Variants in CSMD1 observed in about 807,000 individuals in gnomAD.
CSMD1 encodes the protein CUB and sushi domain-containing protein 1.
A neutral mutation model predicts 417.5 loss-of-function variants in CSMD1; 213 were observed. That is an observed-to-expected ratio of 0.51 (90% confidence interval 0.46 to 0.57). The LOEUF (loss-of-function observed/expected upper bound fraction) is 0.57. CSMD1 is among the 20% of genes least tolerant of loss of function. The pLI is 0.00. For synonymous variants in CSMD1, 2,862 were observed against 1,736.8 expected (o/e 1.65, Z -16.11); for missense variants, 6,923 against 4,529.7 (o/e 1.53, Z -15.17).
intron 3 of CSMD1, among the ~76,000 whole-genome samples, chr8:4,191,255 G>A (rs1049442930): frequency 6.6e-6 from 1 of 151,996 alleles, no homozygotes; most frequent in Non-Finnish European, 1.5e-5. Context: ...AATTAGCAGG[G>A]CATGGTGGCA....
At chr8:3,068,569 T>TCCCG (rs1407676696) in intron 49 of CSMD1, among the ~76,000 whole-genome samples, 340 of 152,330 alleles carry the variant, frequency 2.2e-3, no homozygotes, top group African/African-American at 7.1e-3. Context: ...TTGGCTCATG[T>TCCCG]TTCTGCAGGC....
At chr8:4,871,295 C>A (rs1297008323) in intron 1 of CSMD1, among the ~76,000 whole-genome samples, 1 of 152,140 alleles carries the variant, frequency 6.6e-6, no homozygotes, top group African/African-American at 2.4e-5. Context: ...CACTGCAATG[C>A]ACTTCTTGCC....
At chr8:3,036,182 A>G (rs1810663396) in intron 50 of CSMD1, among the ~76,000 whole-genome samples, 1 of 152,220 alleles carries the variant, frequency 6.6e-6, no homozygotes, top group Admixed American at 6.5e-5. Flanking sequence ...GGCCGTGAGT[A>G]ATTCTGATTT....
rs200938659 is a variant in CSMD1 at position 3,106,616 on chromosome 8, G to T, written c.6861C>A (p.His2287Gln). Residue 2287 changes from histidine (H) to glutamine (Q), a missense_variant, in exon 46 of 70, where the codon CAC becomes CAA. Transcript: ENST00000635120. ...EIGDFVKYQC[H>Q]PGYTLVGTDI... The stretch of plus-strand genomic sequence containing the variant: ...CGGTCCCCACCAAGGTGTACCCGGG[G>T]TGGCACTGGTACTTCACAAAATCTC... The T allele has an allele frequency of 6.2e-7, 1 of 1,613,348 alleles. No homozygotes were observed. Among genetic ancestry groups the T allele is most frequent in the South Asian group, 1.1e-5 (1 of 90,914 alleles).
In CSMD1 at chr8:3,069,623, G is replaced by A. The variant is rs535377019; in HGVS notation, c.7475-16976C>T. ...CAGCTTTGCTTCTGTGGTTTTGCAGGGAGCAGCCCCCAAGGCTGATCTCAG... is the reference window on the plus strand; with the variant it reads ...CAGCTTTGCTTCTGTGGTTTTGCAGAGAGCAGCCCCCAAGGCTGATCTCAG... On this transcript the variant is annotated intron_variant, in intron 49 of 69. Coordinates refer to ENST00000635120, the MANE Select transcript of CSMD1 (RefSeq NM_033225.6). 7.2e-5 allele frequency among the ~76,000 whole-genome samples: 11 copies of A among 152,258 alleles called. No individual in the cohort carries two copies. In the East Asian group the frequency reaches 2.1e-3, roughly 30 times the overall value.
At chr8:3,653,192 T>G (rs1797946008) in intron 7 of CSMD1, among the ~76,000 whole-genome samples, 3 of 151,844 alleles carry the variant, frequency 2.0e-5, no homozygotes, top group Non-Finnish European at 4.4e-5. Flanking sequence ...ACAAATATAT[T>G]TAAAATTGTA....
intron 1 of CSMD1, among the ~76,000 whole-genome samples, chr8:4,905,801 C>G (rs1239198446): frequency 8.0e-6 from 1 of 125,120 alleles, no homozygotes; most frequent in Non-Finnish European, 1.6e-5. Context: ...GCCTGGGCCA[C>G]AGAGCGAGAC....
In CSMD1 at chr8:3,410,968, G is replaced by A. The variant is rs571588181; in HGVS notation, c.1562-1363C>T. 8.7e-4 allele frequency among the ~76,000 whole-genome samples: 132 copies of A among 152,234 alleles called. 1 individual carries two copies. The Middle Eastern group carries it at 0.017, about 20-fold the overall frequency. ...GAAGAAAATGCCCTGAAGGAAGATGGCAATCAGCCCTTCGAAAAGGAGATG... is the reference window on the plus strand; with the variant it reads ...GAAGAAAATGCCCTGAAGGAAGATGACAATCAGCCCTTCGAAAAGGAGATG... On this transcript the variant is annotated intron_variant, in intron 12 of 69. Coordinates refer to ENST00000635120, the MANE Select transcript of CSMD1 (RefSeq NM_033225.6).
intron 3 of CSMD1, among the ~76,000 whole-genome samples, chr8:4,322,980 G>A (rs530342778): frequency 3.9e-5 from 6 of 152,276 alleles, no homozygotes; most frequent in South Asian, 2.1e-4. Context: ...GCGAGACTCC[G>A]TCTCAAAAAA....
intron 6 of CSMD1, among the ~76,000 whole-genome samples, chr8:3,736,835 T>C (rs943181678): frequency 1.3e-5 from 2 of 152,196 alleles, no homozygotes; most frequent in African/African-American, 4.8e-5. Context: ...GCTGCTGGGA[T>C]GTTACGTATG....
chr8:3,348,120 G>C lies in CSMD1; in HGVS notation c.3346C>G (p.Leu1116Val). The C allele has an allele frequency of 1.2e-6, 2 of 1,612,488 alleles. No homozygotes were observed. The highest frequency in any genetic ancestry group is 1.7e-5 in the Admixed American group (1 of 59,838). ...TAATTGGATGGAAAATTTGGAGACA[G>C]TAATGTTCCTTCATTTCCTTTGACA... ...ASVKGNEGTL[L>V]SPNFPSNYDN... Residue 1116 changes from leucine to valine, a missense_variant, in exon 22 of 70, where the codon CTG becomes GTG. Transcript: ENST00000635120.
chr8:4,657,030 C>T (rs1804274482), intron 1 of CSMD1, among the ~76,000 whole-genome samples: 1 of 152,104 alleles, frequency 6.6e-6, no homozygotes, highest in Non-Finnish European at 1.5e-5. Flanking sequence ...GCCACCAGGA[C>T]ACGCAAAAGA....
At chr8:4,924,218 C>G (rs1405845097) in intron 1 of CSMD1, among the ~76,000 whole-genome samples, 4 of 152,118 alleles carry the variant, frequency 2.6e-5, no homozygotes, top group Admixed American at 1.3e-4. Context: ...GAGTTATGAT[C>G]ATGTAAGTTT....
At chr8:4,148,804 G>A (rs1021909098) in intron 3 of CSMD1, among the ~76,000 whole-genome samples, 1 of 152,136 alleles carries the variant, frequency 6.6e-6, no homozygotes, top group Non-Finnish European at 1.5e-5. Context: ...CATTGGGAAG[G>A]GATGTCATGA....
intron 2 of CSMD1, among the ~76,000 whole-genome samples, chr8:4,439,519 T>A (rs561423097): frequency 6.6e-6 from 1 of 150,960 alleles, no homozygotes; most frequent in Non-Finnish European, 1.5e-5. Flanking sequence ...TATACATATA[T>A]GCATACATTT....
intron 5 of CSMD1, among the ~76,000 whole-genome samples, chr8:3,903,010 A>C (rs1807859777): frequency 6.6e-6 from 1 of 152,098 alleles, no homozygotes; most frequent in South Asian, 2.1e-4. Flanking sequence ...TCTTACGATG[A>C]ATGCACGTTT....
intron 2 of CSMD1, among the ~76,000 whole-genome samples, chr8:4,546,337 G>A (rs910313208): frequency 2.0e-5 from 3 of 152,096 alleles, no homozygotes; most frequent in African/African-American, 4.8e-5. Flanking sequence ...CTTCACTGGG[G>A]TAAGGGTTGC....
chr8:4,434,723 C>T (rs1490714679), intron 2 of CSMD1, among the ~76,000 whole-genome samples: 4 of 152,160 alleles, frequency 2.6e-5, no homozygotes, highest in Non-Finnish European at 4.4e-5. Context: ...CCTGACAGTG[C>T]TCATCCGGTG....
intron 10 of CSMD1, among the ~76,000 whole-genome samples, chr8:3,535,467 T>C (rs950224484): frequency 2.0e-5 from 3 of 152,110 alleles, no homozygotes; most frequent in Non-Finnish European, 4.4e-5. Context: ...GCCTCCATGT[T>C]CTCACTTATA....
Sources: gnomAD v4.1 joint callset for allele counts (sites outside exome capture counted in the v4.1 genomes callset) on GRCh38, gnomAD v4.1.1 for gene constraint, MANE v1.5 for transcripts, NCBI Gene and HGNC (gene_info 2026-07-23, HGNC 2026-07-21) for gene names.